Variants in PCLO observed in about 807,000 individuals in gnomAD.
PCLO encodes piccolo presynaptic cytomatrix protein, also known as protein piccolo.
Under a neutral mutation model 427.5 loss-of-function variants are expected in PCLO, and 82 were observed. The observed-to-expected ratio is 0.19, with a 90% confidence interval of 0.16 to 0.23. PCLO has a LOEUF of 0.23. Ranked by LOEUF, PCLO falls within the 10% of genes least tolerant of loss-of-function variation. PCLO has a pLI of 1.00. For missense variants in PCLO, 6,239 were observed against 6,115.9 expected (o/e 1.02, Z -0.67); for synonymous variants, 2,357 against 2,155.4 (o/e 1.09, Z -2.59).
chr7:82,897,288 G>A (rs1454326301), intron 9 of PCLO, among the ~76,000 whole-genome samples: 3 of 151,394 alleles, frequency 2.0e-5, no homozygotes, highest in African/African-American at 7.3e-5. Context: ...CTGTTGCCTT[G>A]TGTTTTGCTG....
At chr7:82,976,671 A>T (rs976876497) in intron 3 of PCLO, among the ~76,000 whole-genome samples, 12 of 152,290 alleles carry the variant, frequency 7.9e-5, no homozygotes, top group African/African-American at 2.6e-4. Flanking sequence ...GAACTGTTTC[A>T]ATCAGTGTAA....
At chr7:83,092,594 T>TGTGGAAGA (rs1790405365) in intron 3 of PCLO, among the ~76,000 whole-genome samples, 1 of 152,112 alleles carries the variant, frequency 6.6e-6, no homozygotes, top group African/African-American at 2.4e-5. Flanking sequence ...CCCAGTCAAG[T>TGTGGAAGA]GTGGAAGAGT....
intron 10 of PCLO, among the ~76,000 whole-genome samples, chr7:82,876,303 T>C (rs1584087578): frequency 6.6e-6 from 1 of 152,180 alleles, no homozygotes; most frequent in East Asian, 1.9e-4. Context: ...GATATATAAT[T>C]GGCATCATGA....
At chr7:82,773,139 GCACC>G (rs1583958486) in intron 22 of PCLO, among the ~76,000 whole-genome samples, 1 of 152,256 alleles carries the variant, frequency 6.6e-6, no homozygotes, top group East Asian at 1.9e-4. Flanking sequence ...TAAAAGCAGA[GCACC>G]CACCCAGGAA....
chr7:83,024,828 A>AC (rs201974048), intron 3 of PCLO, among the ~76,000 whole-genome samples: 3,581 of 152,098 alleles, frequency 0.024, 152 homozygotes, highest in African/African-American at 0.082. Context: ...ACTGGGAGGC[A>AC]CCCCACAGCA....
At chr7:83,049,100 C>A (rs1160148952) in intron 3 of PCLO, among the ~76,000 whole-genome samples, 1 of 152,100 alleles carries the variant, frequency 6.6e-6, no homozygotes, top group Non-Finnish European at 1.5e-5. Context: ...AAACTAATTG[C>A]TCCTACAGTC....
intron 3 of PCLO, among the ~76,000 whole-genome samples, chr7:83,116,146 AGT>A (rs1229380295): frequency 6.6e-6 from 1 of 152,110 alleles, no homozygotes; most frequent in Non-Finnish European, 1.5e-5. Flanking sequence ...CATCATCAGT[AGT>A]GCAGACTGTC....
chr7:83,124,194 G>A (rs1477315695), intron 3 of PCLO, among the ~76,000 whole-genome samples: 2 of 150,972 alleles, frequency 1.3e-5, no homozygotes, highest in Non-Finnish European at 3.0e-5. Flanking sequence ...GCGGGCGCCT[G>A]TAGTCCCAGC....
At chr7:82,854,897 A>C (rs898446114) in intron 10 of PCLO, among the ~76,000 whole-genome samples, 2 of 152,162 alleles carry the variant, frequency 1.3e-5, no homozygotes, top group Non-Finnish European at 2.9e-5. Flanking sequence ...ATAAACTCCA[A>C]AATGAAATAA....
intron 20 of PCLO, among the ~76,000 whole-genome samples, chr7:82,810,099 A>T (rs2115563307): frequency 6.6e-6 from 1 of 151,788 alleles, no homozygotes; most frequent in East Asian, 1.9e-4. Flanking sequence ...GTTTGTATGT[A>T]GGTAGTTGGA....
intron 22 of PCLO, among the ~76,000 whole-genome samples, chr7:82,776,593 C>A (rs888886131): frequency 1.1e-4 from 17 of 152,102 alleles, no homozygotes; most frequent in Admixed American, 2.0e-4. Flanking sequence ...TCAGAAGTTC[C>A]AGATCATCTT....
intron 2 of PCLO, among the ~76,000 whole-genome samples, chr7:83,141,460 T>A (rs1427960993): frequency 6.6e-6 from 1 of 152,188 alleles, no homozygotes; most frequent in Non-Finnish European, 1.5e-5. Context: ...CTCAATTATC[T>A]CTATGGAAAG....
chr7:83,039,160 G>A (rs1788907084), intron 3 of PCLO, among the ~76,000 whole-genome samples: 1 of 151,842 alleles, frequency 6.6e-6, no homozygotes, highest in Admixed American at 6.6e-5. Flanking sequence ...TTCCCATTTT[G>A]TGGGTTGTCT....
chr7:82,777,944 C>A (rs1179888909), intron 22 of PCLO, among the ~76,000 whole-genome samples: 1 of 152,010 alleles, frequency 6.6e-6, no homozygotes, highest in East Asian at 1.9e-4. Flanking sequence ...TAAAGAGATT[C>A]TAAAGAAACT....
chr7:82,772,194 T>C (rs2129467856), intron 22 of PCLO, among the ~76,000 whole-genome samples: 1 of 152,266 alleles, frequency 6.6e-6, no homozygotes, highest in Non-Finnish European at 1.5e-5. Flanking sequence ...AGATATCATT[T>C]CCACCTCTTT....
chr7:83,085,986 C>A (rs981377443), intron 3 of PCLO, among the ~76,000 whole-genome samples: 1 of 152,102 alleles, frequency 6.6e-6, no homozygotes, highest in African/African-American at 2.4e-5. Flanking sequence ...CCAAATGTGA[C>A]TTGATGGACA....
At chr7:82,841,603 C>T (rs1792367935) in intron 13 of PCLO, 94 bp from the exon 14 acceptor site, 1 of 779,268 alleles carries the variant, frequency 1.3e-6, no homozygotes, top group South Asian at 1.6e-5. Context: ...TCTATTTGGT[C>T]AGAGCAACTG....
Position 83,155,648 on chromosome 7 carries a change from G to A in PCLO, c.993C>T (p.Pro331=). The A allele has an allele frequency of 1.2e-6, 2 of 1,611,968 alleles. No homozygotes were observed. Among genetic ancestry groups the A allele is most frequent in the Non-Finnish European group, 1.7e-6 (2 of 1,179,402 alleles). Residue 331 remains proline (P), a synonymous_variant, in exon 2 of 25, where the codon CCC becomes CCT. Coordinates refer to ENST00000333891, the MANE Select transcript of PCLO (RefSeq NM_033026.6). ...HEKSQPGPAK[P]PAQPSGLTKP... is the part of the protein sequence containing the mutation. ...TTGTTAGCCCTGAGGGCTGAGCTGG[G>A]GGCTTTGCAGGCCCAGGCTGTGATT...
intron 3 of PCLO, among the ~76,000 whole-genome samples, chr7:83,118,477 A>G (rs1228581123): frequency 2.0e-5 from 3 of 152,068 alleles, no homozygotes; most frequent in Non-Finnish European, 2.9e-5. Flanking sequence ...ATTGCTGACA[A>G]CACCTCCCTC....
Sources: allele counts gnomAD v4.1 joint callset (sites outside exome capture counted in the v4.1 genomes callset), GRCh38; gene constraint gnomAD v4.1.1; transcripts MANE v1.5; gene names NCBI Gene and HGNC (gene_info 2026-07-23, HGNC 2026-07-21).